The following IL1RAPL1 variants were observed in gnomAD, a reference collection of about 807,000 sequenced individuals.
IL1RAPL1 encodes interleukin 1 receptor accessory protein like 1.
In IL1RAPL1, 3 loss-of-function variants were observed where a neutral mutation model predicts 48.4. The observed-to-expected ratio is 0.06, with a 90% confidence interval of 0.03 to 0.16. The LOEUF (loss-of-function observed/expected upper bound fraction) is 0.16, where lower values mean the gene tolerates loss of function less well. Among genes scored for constraint, IL1RAPL1 ranks in the 10% least tolerant of loss-of-function variants. The probability of loss-of-function intolerance (pLI) is 1.00; values close to 1 mark genes in which losing one functional copy is unlikely to be tolerated. For synonymous variants in IL1RAPL1, 185 were observed against 187.7 expected, an observed-to-expected ratio of 0.99 and a Z score of 0.12; for missense variants, 349 against 530.6, an observed-to-expected ratio of 0.66 and a Z score of 3.36.
intron 2 of IL1RAPL1, among the ~76,000 whole-genome samples, chrX:29,252,147 G>A (rs1357720507): frequency 3.5e-5 from 4 of 112,777 alleles, no homozygotes; most frequent in Non-Finnish European, 5.6e-5. Flanking sequence ...GATAGCTTTA[G>A]GAGATATACC....
intron 1 of IL1RAPL1, among the ~76,000 whole-genome samples, chrX:28,779,826 A>G (rs1936402386): frequency 9.7e-6 from 1 of 103,339 alleles, no homozygotes; most frequent in Non-Finnish European, 1.9e-5. Context: ...AAATTAAAAA[A>G]GAAATTAAAA....
At chrX:28,959,297 C>T (rs1274009445) in intron 2 of IL1RAPL1, among the ~76,000 whole-genome samples, 1 of 111,684 alleles carries the variant, frequency 9.0e-6, no homozygotes, top group Non-Finnish European at 1.9e-5. Context: ...CATATTTTAA[C>T]ACTCTCATTT....
intron 2 of IL1RAPL1, among the ~76,000 whole-genome samples, chrX:28,847,198 C>T (rs1432757614): frequency 9.0e-6 from 1 of 110,753 alleles, no homozygotes; most frequent in African/African-American, 3.3e-5. Context: ...TCATGCACTC[C>T]AGTCTATCAG....
At chrX:29,894,480 C>CTTTA (rs1379978039) in intron 6 of IL1RAPL1, among the ~76,000 whole-genome samples, 1 of 111,955 alleles carries the variant, frequency 8.9e-6, no homozygotes, top group African/African-American at 3.2e-5. Context: ...CCCTTTACTA[C>CTTTA]TTTATTTTCA....
At chrX:29,063,321 C>G (rs2147434684) in intron 2 of IL1RAPL1, among the ~76,000 whole-genome samples, 1 of 111,389 alleles carries the variant, frequency 9.0e-6, no homozygotes, top group African/African-American at 3.2e-5. Context: ...TAATTATAAG[C>G]ATTTTACCAA....
chrX:29,728,759 T>G (rs1414628934), intron 6 of IL1RAPL1, among the ~76,000 whole-genome samples: 40 of 112,592 alleles, frequency 3.6e-4, no homozygotes, highest in Non-Finnish European at 3.8e-5. Context: ...CATGTTATTG[T>G]TAACACACAC....
intron 2 of IL1RAPL1, among the ~76,000 whole-genome samples, chrX:29,269,306 A>G (rs1932003632): frequency 9.0e-6 from 1 of 111,471 alleles, no homozygotes; most frequent in Non-Finnish European, 1.9e-5. Context: ...TTTAATTGCT[A>G]AGTAGCACTG....
intron 6 of IL1RAPL1, among the ~76,000 whole-genome samples, chrX:29,904,721 C>T (rs2147229019): frequency 8.9e-6 from 1 of 111,929 alleles, no homozygotes; most frequent in African/African-American, 3.2e-5. Flanking sequence ...TTTATGGCTG[C>T]ATAGTATTCC....
At chrX:29,732,454 A>T (rs1240390807) in intron 6 of IL1RAPL1, among the ~76,000 whole-genome samples, 1 of 111,241 alleles carries the variant, frequency 9.0e-6, no homozygotes, top group African/African-American at 3.3e-5. Flanking sequence ...TCATAATGTG[A>T]TCTCCATTTT....
intron 2 of IL1RAPL1, among the ~76,000 whole-genome samples, chrX:29,059,506 G>T (rs1400087973): frequency 9.0e-6 from 1 of 111,714 alleles, no homozygotes; most frequent in Non-Finnish European, 1.9e-5. Context: ...GAAGTGAAAA[G>T]GTCCTTGAGA....
At chrX:28,888,259 TA>T (rs11388171) in intron 2 of IL1RAPL1, among the ~76,000 whole-genome samples, 1,268 of 94,367 alleles carry the variant, frequency 0.013, 9 homozygotes, top group Middle Eastern at 0.033. Flanking sequence ...CACGTACTGG[TA>T]AAAAAAAAAA....
intron 2 of IL1RAPL1, among the ~76,000 whole-genome samples, chrX:28,862,808 T>G (rs1242276392): frequency 8.9e-6 from 1 of 112,349 alleles, no homozygotes; most frequent in African/African-American, 3.2e-5. Context: ...ACAACTATGC[T>G]TCTGTTTCTC....
chrX:29,797,236 C>T (rs1929763190), intron 6 of IL1RAPL1, among the ~76,000 whole-genome samples: 1 of 112,400 alleles, frequency 8.9e-6, no homozygotes, highest in Non-Finnish European at 1.9e-5. Flanking sequence ...TGGCACATGG[C>T]AGGAGCCCAA....
At chrX:29,307,484 A>G (rs1359367243) in intron 3 of IL1RAPL1, among the ~76,000 whole-genome samples, 1 of 111,969 alleles carries the variant, frequency 8.9e-6, no homozygotes, top group African/African-American at 3.2e-5. Flanking sequence ...AAAAGGAGTT[A>G]TGAAAAGCCA....
At chrX:28,637,494 T>C (rs1447173578) in intron 1 of IL1RAPL1, among the ~76,000 whole-genome samples, 1 of 111,589 alleles carries the variant, frequency 9.0e-6, no homozygotes, top group East Asian at 2.8e-4. Context: ...CTGTTTATCC[T>C]AGCAAAGGGC....
intron 2 of IL1RAPL1, among the ~76,000 whole-genome samples, chrX:29,194,481 C>A (rs1160376737): frequency 1.8e-5 from 2 of 111,375 alleles, no homozygotes; most frequent in Non-Finnish European, 3.8e-5. Flanking sequence ...TGTGTACCCA[C>A]CATGTGCTAG....
chrX:29,595,685 G>C lies in IL1RAPL1; in HGVS notation c.704-72745G>C, dbSNP rs188630820. Among the ~76,000 whole-genome samples the C allele has an allele frequency of 3.0e-3, 341 of 111,920 alleles. 1 individual carries two copies. The highest frequency in any genetic ancestry group is 0.011 in the African/African-American group (325 of 30,826). ...TGTGAAGATTTTCTCCCACTCTGTG[G>C]ATTTTCTGTTAATTCTGATTATTTC... is the stretch of plus-strand genomic sequence containing the variant. On this transcript the variant is annotated intron_variant, in intron 5 of 10. Transcript: ENST00000378993.
chrX:29,884,037 A>G (rs1932085311), intron 6 of IL1RAPL1, among the ~76,000 whole-genome samples: 1 of 111,475 alleles, frequency 9.0e-6, no homozygotes, highest in Non-Finnish European at 1.9e-5. Context: ...TTTCAGAAAT[A>G]TTATTAGCCA....
At chrX:29,228,332 AGTGTGTGTGTGTGT>A (rs1555978439) in intron 2 of IL1RAPL1, among the ~76,000 whole-genome samples, 2 of 79,557 alleles carry the variant, frequency 2.5e-5, no homozygotes, top group African/African-American at 4.7e-5. Flanking sequence ...AGTTTTGCCT[AGTGTGTGTGTGTGT>A]GTGTGTGTGT....
Sources: gnomAD v4.1 joint callset for allele counts (sites outside exome capture counted in the v4.1 genomes callset) on GRCh38, gnomAD v4.1.1 for gene constraint, MANE v1.5 for transcripts, NCBI Gene and HGNC (gene_info 2026-07-23, HGNC 2026-07-21) for gene names.